The following KIFC3 variants were observed in gnomAD, a reference collection of about 807,000 sequenced individuals.
KIFC3 encodes the protein kinesin family member C3, also known as kinesin-like protein KIFC3.
Under a neutral mutation model 101.8 loss-of-function variants are expected in KIFC3, and 60 were observed. The observed-to-expected ratio is 0.59, with a 90% CI of 0.48 to 0.73. The LOEUF (loss-of-function observed/expected upper bound fraction) is 0.73. KIFC3 is among the 30% of genes least tolerant of loss of function. The probability of loss-of-function intolerance (pLI) is 0.00; values close to 1 mark genes in which losing one functional copy is unlikely to be tolerated. For synonymous variants in KIFC3, 476 were observed against 482.7 expected, an observed-to-expected ratio of 0.99 and a Z score of 0.18; for missense variants, 966 against 1,137.1, an observed-to-expected ratio of 0.85 and a Z score of 2.16.
rs782571890 is a variant in KIFC3 at position 57,769,645 on chromosome 16, G to A, written c.1168C>T (p.Arg390Cys). 8 of 1,611,302 alleles carry A rather than the reference G, an allele frequency of 5.0e-6. No homozygotes were observed. Among genetic ancestry groups the A allele is most frequent in the South Asian group, 1.1e-5 (1 of 90,994 alleles). Residue 390 changes from arginine to cysteine, a missense_variant, in exon 9 of 20, where the codon CGC becomes TGC. By Grantham distance (180) the Arg-to-Cys change is radical. This residue lies in a region of KIFC3 where 689 missense variants were observed against 884.6 expected (regional missense o/e 0.78). Transcript: ENST00000445690. This position sits in a 1 kb window ranked among gnomAD's most constrained non-coding sequence, Gnocchi z 4.3. ...NDYNGLKRQV[R>C]GFPLLLQEAL... ...TCCTGCAGCAGCAGTGGGAAGCCGC[G>A]CACCTGCCGCTTGAGCCCATTGTAG...
intron 1 of KIFC3, among the ~76,000 whole-genome samples, chr16:57,845,446 C>T (rs574169495): frequency 3.3e-5 from 5 of 152,176 alleles, no homozygotes; most frequent in East Asian, 1.9e-4. Context: ...CAAGTGAAAA[C>T]CAAGGTTCTG....
intron 1 of KIFC3, among the ~76,000 whole-genome samples, chr16:57,855,791 C>T (rs759083561): frequency 2.7e-5 from 4 of 150,848 alleles, no homozygotes; most frequent in South Asian, 2.1e-4. Context: ...ACTAAAAATA[C>T]AAAAATTAGC....
intron 1 of KIFC3, among the ~76,000 whole-genome samples, chr16:57,823,059 GCCTCATTATACTTTCCT>G (rs1405139998): frequency 2.0e-5 from 3 of 152,182 alleles, no homozygotes; most frequent in African/African-American, 7.2e-5. Context: ...GTTTGGACAA[GCCTCATTATACTTTCCT>G]CCCTTTTGGA....
At chr16:57,760,654 GGT>G (rs1555595518) in intron 16 of KIFC3, 70 bp downstream of exon 16, 1 of 1,381,510 alleles carries the variant, frequency 7.2e-7, no homozygotes, top group East Asian at 2.3e-5. Context: ...CACAGCCTGG[GGT>G]GACTGGGTCT....
intron 1 of KIFC3, among the ~76,000 whole-genome samples, chr16:57,817,655 G>A (rs114090095): frequency 0.019 from 2,880 of 152,174 alleles, 93 homozygotes; most frequent in African/African-American, 0.065. Context: ...CAGTCATATT[G>A]GACTTAAGGC....
chr16:57,770,408 G>A (rs1458260165), intron 7 of KIFC3, 119 bp downstream of exon 7: 3 of 923,638 alleles, frequency 3.2e-6, no homozygotes, highest in Admixed American at 7.5e-5. Context: ...GTGGCCATCG[G>A]GGAGAGGAGG....
At chr16:57,780,895 G>A (rs373932334) in intron 3 of KIFC3, among the ~76,000 whole-genome samples, 14 of 151,890 alleles carry the variant, frequency 9.2e-5, no homozygotes, top group African/African-American at 3.4e-4. Context: ...GGCTGGTCTC[G>A]AACTCCTGAC....
At chr16:57,768,509 T>TCACACACACACACACACACA (rs61591593) in intron 9 of KIFC3, among the ~76,000 whole-genome samples, 18,424 of 138,926 alleles carry the variant, frequency 0.13, 1,442 homozygotes, top group Non-Finnish European at 0.15. Context: ...CCATATATTC[T>TCACACACACACACACACACA]CACACACACA....
In KIFC3 at chr16:57,766,949, G is replaced by C. The variant is rs1555603542; in HGVS notation, c.1255C>G (p.Gln419Glu). The change falls in exon 10 of 20, where the codon CAG becomes GAG. Residue 419 changes from glutamine to glutamate, a missense_variant. Gln to Glu is a conservative substitution (Grantham distance 29). Around this residue, in one of 2 missense-constraint regions of KIFC3, gnomAD observed 689 missense variants for 884.6 expected, o/e 0.78. Transcript: ENST00000445690. ...CGGCGGTACTTGCGCAGCAGCTCCT[G>C]GTTGTTGCTGTTGACCTCCTCGATG... ...QAIEEVNSNN[Q>E]ELLRKYRREL... The C allele has an allele frequency of 6.2e-7, 1 of 1,613,326 alleles. No individual in the cohort carries two copies. The highest frequency in any genetic ancestry group is 1.1e-5 in the South Asian group (1 of 91,076).
At chr16:57,777,959 T>A (rs2052312762) in intron 3 of KIFC3, among the ~76,000 whole-genome samples, 1 of 152,146 alleles carries the variant, frequency 6.6e-6, no homozygotes, top group South Asian at 2.1e-4. Context: ...TGGAGTTGGA[T>A]CCTTACCTTA....
At position 57,798,308 on chromosome 16, in the gene KIFC3, G is replaced by A. The variant is rs1286763556; in HGVS notation, c.-39-26C>T. On this transcript the variant is annotated intron_variant, in intron 1 of 19. Transcript: ENST00000445690. ...CTGCGGAGAGAACAAGGGGAGATAA[G>A]CTTGAAGACCGTGGACCAGCACAAC... 28 of 1,535,840 alleles carry A rather than the reference G, an allele frequency of 1.8e-5. No homozygotes were observed. The Middle Eastern group carries it at 1.1e-3, about 62-fold the overall frequency.
chr16:57,840,911 C>T (rs1596846510), intron 1 of KIFC3, among the ~76,000 whole-genome samples: 1 of 152,198 alleles, frequency 6.6e-6, no homozygotes, highest in Non-Finnish European at 1.5e-5. Context: ...GGAAGCCTCA[C>T]CAGCAGATAC....
intron 1 of KIFC3, among the ~76,000 whole-genome samples, chr16:57,862,120 G>A (rs935752032): frequency 4.6e-5 from 7 of 151,194 alleles, no homozygotes; most frequent in East Asian, 1.9e-4. Flanking sequence ...GCTTTTTGAC[G>A]TCCTTATTAT....
intron 2 of KIFC3, 88 bp from the exon 3 acceptor site, chr16:57,795,229 G>A: frequency 9.4e-6 from 14 of 1,484,648 alleles, no homozygotes; most frequent in Non-Finnish European, 1.3e-5. Context: ...CCGCAGCTGA[G>A]CTCAGCTTTC....
At chr16:57,763,301 C>T (rs942123116) in intron 12 of KIFC3, among the ~76,000 whole-genome samples, 6 of 152,124 alleles carry the variant, frequency 3.9e-5, no homozygotes, top group African/African-American at 4.8e-5. Flanking sequence ...CAAAGCAGAG[C>T]GGGGAGCCCA....
chr16:57,775,874 CG>C (rs2051995248), intron 3 of KIFC3: 1 of 985,488 alleles, frequency 1.0e-6, no homozygotes, highest in East Asian at 1.1e-4. Context: ...ACACTCCTCC[CG>C]GGCCCAGGCT....
At chr16:57,827,414 G>A (rs574062762) in intron 1 of KIFC3, among the ~76,000 whole-genome samples, 1 of 152,210 alleles carries the variant, frequency 6.6e-6, no homozygotes, top group Non-Finnish European at 1.5e-5. Context: ...ACCTGAACAA[G>A]GTTCACCCAG....
chr16:57,795,884 GT>G (rs797031930), intron 2 of KIFC3, among the ~76,000 whole-genome samples: 844 of 58,760 alleles, frequency 0.014, 19 homozygotes, highest in African/African-American at 0.037. Context: ...GGGCTTTTTT[GT>G]TTTTTTTTTT....
At position 57,855,688 on chromosome 16, in the gene KIFC3, G is replaced by A. The variant is rs181767907; in HGVS notation, c.108+7041C>T. On this transcript the variant is annotated intron_variant, in intron 1 of 2. Coordinates refer to the KIFC3 transcript ENST00000563028. ...TGGCCAGGTGTGGTGGCTCAGGCCC[G>A]TAATCTCAGCCCTGTGGGAGACCAA... is the stretch of plus-strand genomic sequence containing the variant. Among the ~76,000 whole-genome samples, 10 of 151,980 alleles carry A rather than the reference G, an allele frequency of 6.6e-5. No individual in the cohort carries two copies. The East Asian group carries it at 9.7e-4, about 15-fold the overall frequency.
Sources: gnomAD v4.1 joint callset for allele counts (sites outside exome capture counted in the v4.1 genomes callset) on GRCh38, gnomAD v4.1.1 for gene constraint, gnomAD v4.1.1 regional missense constraint, Gnocchi (gnomAD v3.1) non-coding constraint, MANE v1.5 for transcripts, NCBI Gene and HGNC (gene_info 2026-07-23, HGNC 2026-07-21) for gene names.